PCDHAC1: variants seen among roughly 807,000 people sequenced by gnomAD.
PCDHAC1 encodes protocadherin alpha-C1.
Under a neutral mutation model 60.0 loss-of-function variants are expected in PCDHAC1, and 42 were observed. The ratio of observed to expected loss-of-function variants is 0.70; its 90% confidence interval spans 0.55 to 0.90. PCDHAC1 has a LOEUF of 0.90. PCDHAC1 is among the 40% of genes least tolerant of loss of function. The pLI is 0.00. For missense variants in PCDHAC1, 1,160 were observed against 1,222.3 expected, an observed-to-expected ratio of 0.95 and a Z score of 0.76; for synonymous variants, 468 against 499.3, an observed-to-expected ratio of 0.94 and a Z score of 0.84.
At chr5:141,003,052 A>G (rs782531629) in intron 3 of PCDHAC1, among the ~76,000 whole-genome samples, 17 of 152,230 alleles carry the variant, frequency 1.1e-4, no homozygotes, top group Non-Finnish European at 1.9e-4. Context: ...CCTTAACAGA[A>G]CAGTTCCAAA....
At chr5:140,942,338 G>A (rs1554214916) in intron 1 of PCDHAC1, among the ~76,000 whole-genome samples, 1 of 152,042 alleles carries the variant, frequency 6.6e-6, no homozygotes, top group African/African-American at 2.4e-5. Flanking sequence ...TGAACCAGAG[G>A]GAGGCGGAGG....
chr5:140,941,227 C>CTT (rs797022976), intron 1 of PCDHAC1, among the ~76,000 whole-genome samples: 1 of 136,000 alleles, frequency 7.4e-6, no homozygotes, highest in African/African-American at 2.8e-5. Context: ...TTCTTTCTTT[C>CTT]TTTCTTTCTT....
intron 3 of PCDHAC1, among the ~76,000 whole-genome samples, chr5:141,004,079 A>G (rs1192943756): frequency 1.3e-5 from 2 of 152,210 alleles, no homozygotes; most frequent in Non-Finnish European, 2.9e-5. Context: ...TTAGGGGTAG[A>G]AATGTGCTTC....
chr5:140,986,792 A>C (rs575794573), intron 3 of PCDHAC1, among the ~76,000 whole-genome samples: 1 of 152,220 alleles, frequency 6.6e-6, no homozygotes, highest in Non-Finnish European at 1.5e-5. Context: ...CCACTAAGGC[A>C]GTGAGTCTTA....
At chr5:140,966,603 G>A (rs567686852) in intron 1 of PCDHAC1, 9 of 656,454 alleles carry the variant, frequency 1.4e-5, no homozygotes, top group African/African-American at 1.3e-4. Flanking sequence ...AGGAGCCCTT[G>A]GGAGGGCCTA....
chr5:140,947,192 C>T (rs958443362), intron 1 of PCDHAC1, among the ~76,000 whole-genome samples: 2 of 151,038 alleles, frequency 1.3e-5, no homozygotes, highest in Admixed American at 6.6e-5. Flanking sequence ...GTATACTACA[C>T]AGCCTTAAAA....
At chr5:140,930,918 T>G (rs1554208161) in intron 1 of PCDHAC1, among the ~76,000 whole-genome samples, 1 of 152,180 alleles carries the variant, frequency 6.6e-6, no homozygotes, top group East Asian at 1.9e-4. Context: ...ACTTTAGATG[T>G]GTATATGTGG....
chr5:141,001,114 A>G (rs1456437716), intron 3 of PCDHAC1, among the ~76,000 whole-genome samples: 4 of 152,062 alleles, frequency 2.6e-5, no homozygotes, highest in Non-Finnish European at 4.4e-5. Flanking sequence ...TAAGCAATCA[A>G]TAGTCCTTAA....
chr5:140,999,176 T>A (rs546665453), intron 3 of PCDHAC1, among the ~76,000 whole-genome samples: 1 of 152,274 alleles, frequency 6.6e-6, no homozygotes, highest in African/African-American at 2.4e-5. Context: ...AAGAGCCTGA[T>A]GGGGAGAGGG....
intron 3 of PCDHAC1, among the ~76,000 whole-genome samples, chr5:140,995,268 C>G (rs2097673323): frequency 6.6e-6 from 1 of 152,110 alleles, no homozygotes; most frequent in Non-Finnish European, 1.5e-5. Flanking sequence ...AATACAAGCC[C>G]TTTGATACCA....
intron 1 of PCDHAC1, among the ~76,000 whole-genome samples, chr5:140,954,899 T>C (rs2095107956): frequency 6.6e-6 from 1 of 152,196 alleles, no homozygotes; most frequent in South Asian, 2.1e-4. Flanking sequence ...GTTTTTATAG[T>C]TTCATACTTT....
rs1563185469 is a variant in PCDHAC1 at position 140,941,211 on chromosome 5, CTTCCTTT to C, written c.2433+11887_2433+11893del. On this transcript the variant is annotated intron_variant, in intron 1 of 3. Coordinates refer to ENST00000253807, the MANE Select transcript of PCDHAC1 (RefSeq NM_018898.5). The stretch of plus-strand genomic sequence containing the variant: ...TTTTTTTTTCTTTCTTCCTTTCTTT[CTTCCTTT>C]CTTTCTTTCTTTCTTTCTTTCTTTC... Among the ~76,000 whole-genome samples, 1,009 of 129,652 alleles carry C rather than the reference CTTCCTTT, an allele frequency of 7.8e-3. 14 individuals are homozygous for C. Among genetic ancestry groups the C allele is most frequent in the Middle Eastern group, 0.036 (9 of 248 alleles). 85.1% of individuals were successfully genotyped at this position (129,652 alleles called of 152,430 possible).
intron 1 of PCDHAC1, among the ~76,000 whole-genome samples, chr5:140,944,319 C>T (rs1386940921): frequency 6.6e-6 from 1 of 152,104 alleles, no homozygotes. Context: ...TCCTGAGTAG[C>T]TGGGATTACA....
intron 1 of PCDHAC1, among the ~76,000 whole-genome samples, chr5:140,939,514 A>G (rs1280466076): frequency 2.0e-5 from 3 of 152,236 alleles, no homozygotes; most frequent in African/African-American, 7.2e-5. Flanking sequence ...TATAACATTA[A>G]TAGTTATAGA....
rs140058365 is a variant in PCDHAC1 at position 140,928,379 on chromosome 5, G to A, written c.1487G>A (p.Ser496Asn). 5.7e-4 allele frequency: 913 copies of A among 1,614,172 alleles called. 5 individuals are homozygous for A. The African/African-American group carries it at 0.01, about 18-fold the overall frequency. The change falls in exon 1 of 4, where the codon AGC (serine) becomes AAC (asparagine). Residue 496 changes from serine to asparagine, a missense_variant. Ser to Asn is a conservative substitution (Grantham distance 46). Around this residue, in one of 3 missense-constraint regions of PCDHAC1, gnomAD observed 1,113 missense variants for 1,163.7 expected, o/e 0.96. Transcript: ENST00000253807. ...ATCTCTGAAGGGCCATCAGCCTCTA[G>A]CTTGCTGGCAGTGGAATCATCCAGT... ...DVISEGPSASSLLAVESSSGA... is the reference protein window; with the variant it reads ...DVISEGPSASNLLAVESSSGA...
In PCDHAC1 at chr5:140,937,196, C is replaced by G. The variant is rs915023517; in HGVS notation, c.2433+7871C>G. On this transcript the variant is annotated intron_variant, in intron 1 of 3. Transcript: ENST00000253807. ...GGGACTACAGGCGCCCGCCACCATG[C>G]CCGGCTAATTTTTTGTATTTTTTGT... Among the ~76,000 whole-genome samples, 5 of 152,108 alleles carry G rather than the reference C, an allele frequency of 3.3e-5. No homozygotes were observed. In the East Asian group the frequency reaches 7.8e-4, roughly 24 times the overall value.
At chr5:140,932,755 GA>G (rs1554209056) in intron 1 of PCDHAC1, among the ~76,000 whole-genome samples, 4 of 151,730 alleles carry the variant, frequency 2.6e-5, no homozygotes, top group Non-Finnish European at 5.9e-5. Context: ...AAAAAGGAAA[GA>G]AAAAGAACAT....
In PCDHAC1 at chr5:140,946,774, T is replaced by G. The variant is rs57013515; in HGVS notation, c.2433+17449T>G. On this transcript the variant is annotated intron_variant, in intron 1 of 3. Coordinates refer to ENST00000253807, the MANE Select transcript of PCDHAC1 (RefSeq NM_018898.5). ...TGCATGATCTCATTCATGTGGAATGTAAAAAAGCTGATCTTATAGAAGCAG... is the reference window on the plus strand; with the variant it reads ...TGCATGATCTCATTCATGTGGAATGGAAAAAAGCTGATCTTATAGAAGCAG... Among the ~76,000 whole-genome samples, 481 of 151,404 alleles carry G rather than the reference T, an allele frequency of 3.2e-3. 2 individuals are homozygous for G. Among genetic ancestry groups the G allele is most frequent in the African/African-American group, 0.011 (462 of 41,264 alleles).
chr5:140,989,127 A>G (rs914524582), intron 3 of PCDHAC1: 2 of 152,216 alleles, frequency 1.3e-5, no homozygotes, highest in Non-Finnish European at 2.9e-5. Context: ...TAGAAAAATA[A>G]GACACTTTAT....
Sources: allele counts gnomAD v4.1 joint callset (sites outside exome capture counted in the v4.1 genomes callset), GRCh38; gene constraint gnomAD v4.1.1; regional missense constraint gnomAD v4.1.1; transcripts MANE v1.5; gene names NCBI Gene and HGNC (gene_info 2026-07-23, HGNC 2026-07-21).